Variants in DENND5B observed in about 807,000 individuals in gnomAD.
DENND5B encodes the protein DENN domain-containing protein 5B.
In DENND5B, 34 loss-of-function variants were observed where a neutral mutation model predicts 140.6. The ratio of observed to expected loss-of-function variants is 0.24; its 90% CI spans 0.18 to 0.32. The LOEUF (loss-of-function observed/expected upper bound fraction) is 0.32. DENND5B is among the 10% of genes least tolerant of loss of function. The pLI is 1.00. For synonymous variants in DENND5B, 551 were observed against 562.1 expected (o/e 0.98, Z 0.28); for missense variants, 1,142 against 1,560.2 (o/e 0.73, Z 4.52).
chr12:31,564,561 C>CTATTATTATTATTATTAT (rs3074755), intron 1 of DENND5B, among the ~76,000 whole-genome samples: 2 of 136,062 alleles, frequency 1.5e-5, no homozygotes, highest in Non-Finnish European at 3.1e-5. Flanking sequence ...TCTTTTCATT[C>CTATTATTATTATTATTAT]TATTATTATT....
chr12:31,502,531 G>C (rs1947050888), intron 1 of DENND5B, among the ~76,000 whole-genome samples: 1 of 152,112 alleles, frequency 6.6e-6, no homozygotes, highest in South Asian at 2.1e-4. Context: ...GCTTTGAAGA[G>C]TGTAAAAACT....
At chr12:31,497,472 A>C (rs1043157929) in intron 1 of DENND5B, among the ~76,000 whole-genome samples, 2 of 151,984 alleles carry the variant, frequency 1.3e-5, no homozygotes, top group Non-Finnish European at 2.9e-5. Flanking sequence ...TAAGCATCAA[A>C]AAGTCAGCAG....
rs942989130 is a variant in DENND5B, at chr12:31,499,820, T to A, written c.128-3901A>T. Reference sequence around the variant, plus strand: ...ACATTAGAATGTAGCTTAACACCAATGGAATGTAGCTGATAAGGGATTAGT... The same window carrying A: ...ACATTAGAATGTAGCTTAACACCAAAGGAATGTAGCTGATAAGGGATTAGT... On this transcript the variant is annotated intron_variant, in intron 1 of 20. Transcript: ENST00000389082. 1.8e-5 allele frequency: 10 copies of A among 543,418 alleles called. No individual in the cohort carries two copies. In the Admixed American group the frequency reaches 2.3e-4, roughly 13 times the overall value. 33.7% of individuals were successfully genotyped at this position (543,418 alleles called of 1,614,324 possible).
intron 1 of DENND5B, among the ~76,000 whole-genome samples, chr12:31,581,958 C>T (rs979553003): frequency 4.0e-5 from 6 of 151,784 alleles, no homozygotes; most frequent in African/African-American, 1.5e-4. Context: ...ATACTCAGTA[C>T]GATGCAAATT....
chr12:31,555,469 G>T (rs1054160395), intron 1 of DENND5B, among the ~76,000 whole-genome samples: 4 of 152,178 alleles, frequency 2.6e-5, no homozygotes, highest in African/African-American at 9.7e-5. Flanking sequence ...CCCCTACTGG[G>T]GGGTGCCTCC....
intron 13 of DENND5B, among the ~76,000 whole-genome samples, chr12:31,413,204 AC>A (rs1468982064): frequency 2.0e-5 from 3 of 152,198 alleles, no homozygotes; most frequent in African/African-American, 7.2e-5. Flanking sequence ...GGCAATGGCC[AC>A]CATGCCCAAC....
chr12:31,586,544 C>T (rs1950398159), intron 1 of DENND5B, among the ~76,000 whole-genome samples: 2 of 152,070 alleles, frequency 1.3e-5, no homozygotes, highest in South Asian at 4.1e-4. Flanking sequence ...ATTAAGAGTT[C>T]TACGTATTTG....
chr12:31,422,659 G>C (rs1943082364), intron 11 of DENND5B, among the ~76,000 whole-genome samples: 1 of 152,122 alleles, frequency 6.6e-6, no homozygotes, highest in African/African-American at 2.4e-5. Flanking sequence ...CGAAATGGCT[G>C]ATTCAGTATA....
At chr12:31,534,171 G>C (rs1255148584) in intron 1 of DENND5B, among the ~76,000 whole-genome samples, 1 of 151,426 alleles carries the variant, frequency 6.6e-6, no homozygotes, top group Non-Finnish European at 1.5e-5. Context: ...TTTTTTGTCG[G>C]TTTTTTGAGG....
At chr12:31,517,308 TG>T (rs1947697417) in intron 1 of DENND5B, among the ~76,000 whole-genome samples, 1 of 152,230 alleles carries the variant, frequency 6.6e-6, no homozygotes, top group South Asian at 2.1e-4. Flanking sequence ...TGTTTTGTTT[TG>T]TTTTTCTGTG....
At chr12:31,425,532 CTTTTT>C (rs1474331688) in intron 9 of DENND5B, among the ~76,000 whole-genome samples, 1 of 152,110 alleles carries the variant, frequency 6.6e-6, no homozygotes, top group Non-Finnish European at 1.5e-5. Flanking sequence ...TTTACTTCTC[CTTTTT>C]TATCTTTTCT....
chr12:31,456,359 A>C (rs1944780899), intron 4 of DENND5B, among the ~76,000 whole-genome samples: 1 of 151,642 alleles, frequency 6.6e-6, no homozygotes, highest in African/African-American at 2.4e-5. Flanking sequence ...ATTCCCTCAA[A>C]AGTAAGAAAA....
In DENND5B at chr12:31,460,232, C is replaced by T. The variant is rs780310275; in HGVS notation, c.1054G>A (p.Glu352Lys). 1 of 1,613,704 alleles carries T rather than the reference C, an allele frequency of 6.2e-7. No homozygotes were observed. Among genetic ancestry groups the T allele is most frequent in the Admixed American group, 1.7e-5 (1 of 59,970 alleles). ...TCTAGTTTAGAACGGTCAGTTCCTT[C>T]TTTTGACTGAAGGCCCATCAGATAA... is the stretch of plus-strand genomic sequence containing the variant. ...VPYLMGLQSKEGTDRSKLELP... is the reference protein window; with the variant it reads ...VPYLMGLQSKKGTDRSKLELP... The change falls in exon 4 of 21, where the codon GAA becomes AAA. Residue 352 changes from glutamate to lysine, a missense_variant. This residue lies in a region of DENND5B where 708 missense variants were observed against 905.5 expected (regional missense o/e 0.78). Coordinates refer to ENST00000389082, the MANE Select transcript of DENND5B (RefSeq NM_144973.4).
chr12:31,526,807 GA>G (rs1948100930), intron 1 of DENND5B, among the ~76,000 whole-genome samples: 1 of 152,216 alleles, frequency 6.6e-6, no homozygotes, highest in Non-Finnish European at 1.5e-5. Flanking sequence ...GAAACTGGGT[GA>G]AGGGTAAACA....
At chr12:31,437,870 G>A (rs943911695) in intron 7 of DENND5B, among the ~76,000 whole-genome samples, 1 of 152,168 alleles carries the variant, frequency 6.6e-6, no homozygotes. Context: ...GTGCACTCCC[G>A]TTCTCCTGCT....
chr12:31,386,020 T>C lies in DENND5B; in HGVS notation c.*1583A>G, dbSNP rs1314889200. ...GCTGTCAACTCTCCTTTTCCTCAAG[T>C]ATGAAGTCACATGTTAAAAGAGGCT... On this transcript the variant is annotated 3_prime_UTR_variant, in exon 21 of 21. Transcript: ENST00000389082. The C allele has an allele frequency of 6.5e-6, 1 of 152,828 alleles. No individual in the cohort carries two copies. Among genetic ancestry groups the C allele is most frequent in the Non-Finnish European group, 1.5e-5 (1 of 68,156 alleles). 9.5% of individuals were successfully genotyped at this position (152,828 alleles called of 1,614,324 possible).
intron 3 of DENND5B, among the ~76,000 whole-genome samples, chr12:31,472,622 A>G (rs1415908392): frequency 6.6e-6 from 1 of 152,016 alleles, no homozygotes; most frequent in African/African-American, 2.4e-5. Context: ...AGCACTACCA[A>G]AGGTTGCATG....
intron 14 of DENND5B, among the ~76,000 whole-genome samples, chr12:31,408,624 CAAAA>C (rs33965275): frequency 2.2e-4 from 16 of 71,960 alleles, no homozygotes; most frequent in African/African-American, 8.5e-4. Context: ...GAGACTCTAT[CAAAA>C]AAAAAAAAAA....
chr12:31,401,483 C>T (rs968387798), intron 15 of DENND5B, among the ~76,000 whole-genome samples: 1 of 152,104 alleles, frequency 6.6e-6, no homozygotes, highest in Non-Finnish European at 1.5e-5. Flanking sequence ...GAGAATGGGA[C>T]ATTCAGTTCG....
Sources: gnomAD v4.1 joint callset for allele counts (sites outside exome capture counted in the v4.1 genomes callset) on GRCh38, gnomAD v4.1.1 for gene constraint, gnomAD v4.1.1 regional missense constraint, MANE v1.5 for transcripts, NCBI Gene and HGNC (gene_info 2026-07-23, HGNC 2026-07-21) for gene names.